TENM1: variants seen among roughly 807,000 people sequenced by gnomAD.
TENM1 encodes teneurin transmembrane protein 1.
In TENM1, 35 loss-of-function variants were observed where a neutral mutation model predicts 174.8. The ratio of observed to expected loss-of-function variants is 0.20; its 90% CI spans 0.15 to 0.27. The LOEUF (loss-of-function observed/expected upper bound fraction) is 0.27, where lower values mean the gene tolerates loss of function less well. Ranked by LOEUF, TENM1 falls within the 10% of genes least tolerant of loss-of-function variation. The probability of loss-of-function intolerance (pLI) is 1.00; values close to 1 mark genes in which losing one functional copy is unlikely to be tolerated. For synonymous variants in TENM1, 781 were observed against 798.7 expected (o/e 0.98, Z 0.37); for missense variants, 1,633 against 2,130.1 (o/e 0.77, Z 4.59).
chrX:124,854,558 A>G (rs936962198), intron 3 of TENM1, among the ~76,000 whole-genome samples: 2 of 112,023 alleles, frequency 1.8e-5, no homozygotes, highest in Non-Finnish European at 3.8e-5. Context: ...CTAACAGAAA[A>G]GTAGATTTAT....
chrX:125,159,635 G>A, the TENM1 span, among the ~76,000 whole-genome samples: 1 of 112,124 alleles, frequency 8.9e-6, no homozygotes, highest in African/African-American at 3.2e-5. Context: ...TTCAAATAAT[G>A]TATCAAATGT....
the TENM1 span, among the ~76,000 whole-genome samples, chrX:125,089,927 CTGTG>C: frequency 2.7e-5 from 3 of 111,293 alleles, no homozygotes; most frequent in African/African-American, 9.8e-5. Flanking sequence ...GTATGTTTGT[CTGTG>C]TGTGTCAAGT....
intron 5 of TENM1, among the ~76,000 whole-genome samples, chrX:124,678,937 C>T (rs1447170160): frequency 1.8e-5 from 2 of 111,262 alleles, no homozygotes; most frequent in African/African-American, 3.3e-5. Context: ...ATACACCTAA[C>T]AATAAATAGG....
intron 3 of TENM1, among the ~76,000 whole-genome samples, chrX:124,755,894 C>T (rs1333361606): frequency 9.5e-6 from 1 of 105,547 alleles, no homozygotes. Context: ...GTGGGTAACC[C>T]GACCTTTCTC....
rs184908393 is a variant in TENM1, at chrX:124,564,306, A to T, written c.2264-534T>A. 4.8e-3 allele frequency among the ~76,000 whole-genome samples: 533 copies of T among 112,163 alleles called. 2 individuals carry two copies. Among genetic ancestry groups the T allele is most frequent in the African/African-American group, 0.016 (508 of 30,942 alleles). On this transcript the variant is annotated intron_variant, in intron 12 of 31. Transcript: ENST00000422452. ...AAGACTTACTGTACCTTTAGTAGAG[A>T]AGTAATGCAGTTTATGAAGATTATA...
chrX:124,585,751 G>C (rs774626354), intron 11 of TENM1, among the ~76,000 whole-genome samples: 1 of 111,439 alleles, frequency 9.0e-6, no homozygotes, highest in South Asian at 3.8e-4. Context: ...TCCAGGAGCT[G>C]GTTTTTTGAA....
At chrX:124,896,468 C>T (rs2057564465) in intron 1 of TENM1, among the ~76,000 whole-genome samples, 4 of 111,129 alleles carry the variant, frequency 3.6e-5, no homozygotes, top group Middle Eastern at 4.6e-3. Context: ...CTGGAAAAAG[C>T]GCGCCCAAAA....
chrX:124,561,073 T>C (rs959503675), intron 14 of TENM1, among the ~76,000 whole-genome samples: 1 of 112,094 alleles, frequency 8.9e-6, no homozygotes, highest in Non-Finnish European at 1.9e-5. Context: ...CTCGATGCTA[T>C]GTCCTCTGAA....
At chrX:125,175,887 A>T in the TENM1 span, among the ~76,000 whole-genome samples, 1 of 112,214 alleles carries the variant, frequency 8.9e-6, no homozygotes, top group African/African-American at 3.2e-5. Context: ...AGAATTTGGT[A>T]TTCATAGTTA....
chrX:125,031,652 T>C, the TENM1 span, among the ~76,000 whole-genome samples: 1 of 112,184 alleles, frequency 8.9e-6, no homozygotes, highest in Non-Finnish European at 1.9e-5. Flanking sequence ...TATATTGAGT[T>C]AATATAGCCT....
At chrX:124,688,342 C>G (rs753161778) in intron 5 of TENM1, among the ~76,000 whole-genome samples, 2 of 109,541 alleles carry the variant, frequency 1.8e-5, no homozygotes, top group Non-Finnish European at 3.8e-5. Context: ...CTCCACCTCC[C>G]AGGTTCAAGC....
intron 1 of TENM1, among the ~76,000 whole-genome samples, chrX:124,926,944 T>C (rs1441254842): frequency 8.9e-6 from 1 of 112,321 alleles, no homozygotes; most frequent in East Asian, 2.8e-4. Flanking sequence ...CTGACTTTGG[T>C]GGTTAAAGGC....
intron 4 of TENM1, among the ~76,000 whole-genome samples, chrX:124,707,356 T>C (rs970920739): frequency 9.0e-6 from 1 of 111,450 alleles, no homozygotes; most frequent in African/African-American, 3.3e-5. Flanking sequence ...TTGACATATA[T>C]AACAATTGTG....
At chrX:124,530,874 T>G (rs1602608863) in intron 15 of TENM1, among the ~76,000 whole-genome samples, 1 of 112,260 alleles carries the variant, frequency 8.9e-6, no homozygotes, top group South Asian at 3.7e-4. Context: ...CATACAAGAC[T>G]TTCAGCGCTA....
chrX:125,112,271 T>C, the TENM1 span, among the ~76,000 whole-genome samples: 1 of 108,796 alleles, frequency 9.2e-6, no homozygotes, highest in African/African-American at 3.3e-5. Context: ...AACTAGAGTT[T>C]TGATAAATAT....
chrX:124,793,303 G>A (rs893774203), intron 3 of TENM1, among the ~76,000 whole-genome samples: 1 of 111,179 alleles, frequency 9.0e-6, no homozygotes, highest in Non-Finnish European at 1.9e-5. Flanking sequence ...TAAGAAATAT[G>A]AGAAAATAAA....
At chrX:125,158,741 C>T in the TENM1 span, among the ~76,000 whole-genome samples, 3 of 111,612 alleles carry the variant, frequency 2.7e-5, no homozygotes, top group East Asian at 8.4e-4. Context: ...AGCAAGGACC[C>T]ATGTGGTATT....
intron 5 of TENM1, among the ~76,000 whole-genome samples, chrX:124,697,974 T>C (rs893650363): frequency 2.7e-5 from 3 of 111,857 alleles, no homozygotes; most frequent in Non-Finnish European, 5.7e-5. Flanking sequence ...AAAATAGTTT[T>C]ACTTTATAGA....
chrX:125,202,778 C>A, the TENM1 span, among the ~76,000 whole-genome samples: 7 of 111,644 alleles, frequency 6.3e-5, no homozygotes, highest in African/African-American at 2.0e-4. Context: ...AAATACACTC[C>A]TGACTGCAAA....
Sources: allele counts gnomAD v4.1 joint callset (sites outside exome capture counted in the v4.1 genomes callset), GRCh38; gene constraint gnomAD v4.1.1; transcripts MANE v1.5; gene names NCBI Gene and HGNC (gene_info 2026-07-23, HGNC 2026-07-21).